The following SLC2A3 variants were observed in gnomAD, a reference collection of about 807,000 sequenced individuals.
SLC2A3 encodes the protein solute carrier family 2, facilitated glucose transporter member 3.
A neutral mutation model predicts 46.4 loss-of-function variants in SLC2A3; 21 were observed. That is an observed-to-expected ratio of 0.45 (90% CI 0.32 to 0.65). SLC2A3 has a LOEUF of 0.65. SLC2A3 is among the 30% of genes least tolerant of loss of function. The pLI is 0.04. For missense variants in SLC2A3, 499 were observed against 623.3 expected (o/e 0.80, Z 2.12); for synonymous variants, 213 against 239.4 (o/e 0.89, Z 1.02).
intron 3 of SLC2A3, 65 bp downstream of exon 3, chr12:7,932,922 C>G (rs1182080224): frequency 6.3e-7 from 1 of 1,591,668 alleles, no homozygotes; most frequent in African/African-American, 1.3e-5. Context: ...CCTGCCCTAA[C>G]TCTCCACACT....
Position 7,923,017 on chromosome 12 carries a change from T to C in SLC2A3, c.1076A>G (p.Tyr359Cys). The part of the protein sequence containing the change: ...MTVSLLLKDN[Y>C]NGMSFVCIGA... ...AATACAGACAAAGCTCATCCCATTA[T>C]AGTTATCCTGTAAGAGCAAGGAACA... Residue 359 changes from tyrosine to cysteine, a missense_variant, in exon 9 of 10, where the codon TAT becomes TGT. By Grantham distance (194) the Tyr-to-Cys change is radical. Around this residue, in one of 5 missense-constraint regions of SLC2A3, gnomAD observed 179 missense variants for 205.1 expected, o/e 0.87. Transcript: ENST00000075120. 5 of 1,613,094 alleles carry C rather than the reference T, an allele frequency of 3.1e-6. No homozygotes were observed. The highest frequency in any genetic ancestry group is 1.3e-5 in the African/African-American group (1 of 74,980).
intron 4 of SLC2A3, 109 bp from the exon 5 acceptor site, chr12:7,930,751 A>G: frequency 7.0e-6 from 9 of 1,278,702 alleles, no homozygotes; most frequent in Non-Finnish European, 8.5e-6. Flanking sequence ...ATGTGAAAAA[A>G]TAAACAAATT....
chr12:7,926,295 T>G (rs895956506), intron 6 of SLC2A3, among the ~76,000 whole-genome samples: 1 of 152,146 alleles, frequency 6.6e-6, no homozygotes, highest in African/African-American at 2.4e-5. Context: ...TTCACCTTGT[T>G]GGCCAGGCTG....
At chr12:7,933,192 G>C in intron 2 of SLC2A3, 45 bp from the exon 3 acceptor site, 3 of 1,597,126 alleles carry the variant, frequency 1.9e-6, no homozygotes, top group Non-Finnish European at 2.6e-6. Context: ...GTTACAGTTG[G>C]ATGAGAACAA....
intron 6 of SLC2A3, among the ~76,000 whole-genome samples, chr12:7,926,663 G>A (rs750563148): frequency 1.7e-4 from 26 of 152,246 alleles, no homozygotes; most frequent in Non-Finnish European, 2.9e-4. Context: ...ATCAGGCCCA[G>A]CTAAATGCTT....
At chr12:7,927,951 A>G (rs923433657) in intron 6 of SLC2A3, among the ~76,000 whole-genome samples, 5 of 151,966 alleles carry the variant, frequency 3.3e-5, no homozygotes, top group African/African-American at 4.8e-5. Flanking sequence ...TAAGCAAGGT[A>G]TGGTGGTGGG....
In SLC2A3 at chr12:7,919,589, T is replaced by C. The variant is rs916066869; in HGVS notation, c.*1824A>G. On this transcript the variant is annotated 3_prime_UTR_variant, in exon 10 of 10. Transcript: ENST00000075120. ...GGCGCCCGCCACCACGCCCGGCTAA[T>C]TTTTGCATTTTTAGTAGAGACAGGG... 1 of 152,040 alleles carries C rather than the reference T, an allele frequency of 6.6e-6. No individual in the cohort carries two copies. Among genetic ancestry groups the C allele is most frequent in the African/African-American group, 2.4e-5 (1 of 41,378 alleles). 9.4% of individuals were successfully genotyped at this position (152,040 alleles called of 1,614,324 possible). A position where few individuals can be genotyped will look rare whatever the true frequency, so the allele number is the denominator to read the frequency against.
chr12:7,929,889 G>A lies in SLC2A3; in HGVS notation c.674-18C>T. On this transcript the variant is annotated intron_variant, in intron 5 of 9. Transcript: ENST00000075120. ...CTGGAGGACTGGTGAAAAGAAGAAA[G>A]AGGAAAGGATAAAAGAGAATGTGCT... 1.2e-6 allele frequency: 2 copies of A among 1,613,868 alleles called. No homozygotes were observed. Among genetic ancestry groups the A allele is most frequent in the Non-Finnish European group, 8.5e-7 (1 of 1,179,832 alleles).
chr12:7,923,297 T>C (rs1946058194), intron 8 of SLC2A3: 3 of 341,160 alleles, frequency 8.8e-6, no homozygotes, highest in African/African-American at 2.1e-5. Flanking sequence ...GCCTCTCAAA[T>C]CGCTTGGACT....
intron 9 of SLC2A3, among the ~76,000 whole-genome samples, chr12:7,921,964 G>T (rs1308052416): frequency 1.3e-5 from 2 of 152,064 alleles, no homozygotes; most frequent in African/African-American, 2.4e-5. Context: ...AGGTCAAGGT[G>T]GGAGGATCAC....
At chr12:7,928,334 G>A (rs913561421) in intron 6 of SLC2A3, among the ~76,000 whole-genome samples, 13 of 151,890 alleles carry the variant, frequency 8.6e-5, no homozygotes, top group African/African-American at 1.9e-4. Flanking sequence ...GGAGGTGGAG[G>A]TTGCAGTGAG....
chr12:7,930,439 CA>C, intron 5 of SLC2A3, 40 bp downstream of exon 5: 1 of 1,588,016 alleles, frequency 6.3e-7, no homozygotes, highest in Non-Finnish European at 8.6e-7. Context: ...AAACAAACCA[CA>C]ACCATATAAT....
chr12:7,925,994 A>G (rs757300399), intron 6 of SLC2A3, 46 bp from the exon 7 acceptor site: 2 of 1,484,024 alleles, frequency 1.3e-6, no homozygotes, highest in East Asian at 4.5e-5. Context: ...TCTGCACACC[A>G]GTTACACAGA....
At chr12:7,929,194 T>C (rs910655971) in intron 6 of SLC2A3, among the ~76,000 whole-genome samples, 9 of 152,160 alleles carry the variant, frequency 5.9e-5, no homozygotes, top group Admixed American at 3.9e-4. Flanking sequence ...TTTAAAAAGG[T>C]GGGACAAGGG....
chr12:7,930,733 C>T (rs953859055), intron 4 of SLC2A3, 91 bp from the exon 5 acceptor site: 127 of 1,294,730 alleles, frequency 9.8e-5, no homozygotes, highest in Non-Finnish European at 1.2e-4. Flanking sequence ...ATCATACATT[C>T]TTTTACCATG....
At chr12:7,925,468 A>G (rs901200249) in intron 7 of SLC2A3, 19 of 183,452 alleles carry the variant, frequency 1.0e-4, no homozygotes, top group Non-Finnish European at 3.5e-5. Flanking sequence ...GGTGTCCACT[A>G]CGGAACTGAT....
chr12:7,933,230 C>A, intron 2 of SLC2A3, 83 bp from the exon 3 acceptor site: 1 of 1,439,084 alleles, frequency 6.9e-7, no homozygotes, highest in South Asian at 1.2e-5. Context: ...TCATTTCCTT[C>A]CTAGAGAATC....
intron 6 of SLC2A3, among the ~76,000 whole-genome samples, chr12:7,928,373 G>C (rs1408017010): frequency 6.6e-6 from 1 of 151,868 alleles, no homozygotes; most frequent in Non-Finnish European, 1.5e-5. Context: ...ACTCCAGCCT[G>C]GGCGATCGAG....
chr12:7,924,949 C>T lies in SLC2A3; in HGVS notation c.967-438G>A, dbSNP rs1421642890. On this transcript the variant is annotated intron_variant, in intron 7 of 9. Coordinates refer to ENST00000075120, the MANE Select transcript of SLC2A3 (RefSeq NM_006931.3). ...AGATCATTCCCTTTTTGTCCAATCA[C>T]AGGTCAGAACAGTTGTCCATGCTTC... 2.6e-5 allele frequency among the ~76,000 whole-genome samples: 4 copies of T among 152,216 alleles called. No homozygotes were observed. In the South Asian group the frequency reaches 6.2e-4, roughly 24 times the overall value.
Sources: allele counts gnomAD v4.1 joint callset (sites outside exome capture counted in the v4.1 genomes callset), GRCh38; gene constraint gnomAD v4.1.1; regional missense constraint gnomAD v4.1.1; transcripts MANE v1.5; gene names NCBI Gene and HGNC (gene_info 2026-07-23, HGNC 2026-07-21).